POLQ: variants seen among roughly 807,000 people sequenced by gnomAD.
POLQ encodes epididymis secretory sperm binding protein.
In POLQ, 233 loss-of-function variants were observed where a neutral mutation model predicts 259.2. The observed-to-expected ratio is 0.90, with a 90% CI of 0.81 to 1.00. The LOEUF is 1.00. Ranked by LOEUF, POLQ falls within the 50% of genes least tolerant of loss-of-function variation. The pLI is 0.00. For missense variants in POLQ, 2,871 were observed against 3,051.6 expected (o/e 0.94, Z 1.39); for synonymous variants, 1,025 against 1,048.8 (o/e 0.98, Z 0.44).
chr3:121,458,362 G>T (rs1396701757), intron 25 of POLQ, among the ~76,000 whole-genome samples: 1 of 151,114 alleles, frequency 6.6e-6, no homozygotes, highest in Admixed American at 6.6e-5. Flanking sequence ...TTGTGCACAT[G>T]TACCCTAAAA....
At chr3:121,469,873 A>G (rs887678160) in intron 22 of POLQ, among the ~76,000 whole-genome samples, 9 of 152,222 alleles carry the variant, frequency 5.9e-5, no homozygotes, top group Admixed American at 3.3e-4. Context: ...TAAAATCACT[A>G]ATAAGTAAAA....
chr3:121,454,841 A>G (rs1487180119), intron 25 of POLQ, among the ~76,000 whole-genome samples: 3 of 152,204 alleles, frequency 2.0e-5, no homozygotes, highest in Non-Finnish European at 4.4e-5. Flanking sequence ...AAAGTTAACA[A>G]GGATACCCAG....
In POLQ at chr3:121,504,292, A is replaced by T. The variant is rs182257557; in HGVS notation, c.1959+5269T>A. Among the ~76,000 whole-genome samples the T allele has an allele frequency of 2.8e-4, 42 of 152,328 alleles. No individual in the cohort carries two copies. In the East Asian group the frequency reaches 8.1e-3, roughly 29 times the overall value. Reference sequence around the variant, plus strand: ...ACAAGTAAATGCCAACAAATTAGATAATCTACGTGGACTATTTTCTGGAAA... The same window carrying T: ...ACAAGTAAATGCCAACAAATTAGATTATCTACGTGGACTATTTTCTGGAAA... On this transcript the variant is annotated intron_variant, in intron 12 of 29. Transcript: ENST00000264233.
At chr3:121,456,727 T>TA (rs2047742258) in intron 25 of POLQ, among the ~76,000 whole-genome samples, 1 of 151,772 alleles carries the variant, frequency 6.6e-6, no homozygotes. Flanking sequence ...CTCAAGGAAA[T>TA]AAAAGAGGAT....
At chr3:121,514,993 C>T (rs1560104454) in intron 9 of POLQ, among the ~76,000 whole-genome samples, 2 of 152,132 alleles carry the variant, frequency 1.3e-5, no homozygotes, top group Non-Finnish European at 2.9e-5. Context: ...TTAAACAGTG[C>T]TCAAGCTCAG....
At chr3:121,490,702 C>T (rs2048060904) in intron 15 of POLQ, among the ~76,000 whole-genome samples, 1 of 152,160 alleles carries the variant, frequency 6.6e-6, no homozygotes, top group Admixed American at 6.5e-5. Flanking sequence ...GAAGGCTTCA[C>T]TAAGACAGAT....
rs771906467 is a variant in POLQ at position 121,460,009 on chromosome 3, A to T, written c.7152+41T>A. The T allele has an allele frequency of 6.8e-6, 10 of 1,476,382 alleles. No homozygotes were observed. In the South Asian group the frequency reaches 1.2e-4, roughly 17 times the overall value. 91.5% of individuals were successfully genotyped at this position (1,476,382 alleles called of 1,614,324 possible). On this transcript the variant is annotated intron_variant, in intron 25 of 29. Coordinates refer to ENST00000264233, the MANE Select transcript of POLQ (RefSeq NM_199420.4). The stretch of plus-strand genomic sequence containing the variant: ...CATTTTTAATTTTTTTTGAGTCACT[A>T]AATTCTTCTCCTTTATATTAACCAT...
intron 26 of POLQ, among the ~76,000 whole-genome samples, chr3:121,445,726 G>A (rs903647566): frequency 4.6e-5 from 7 of 151,880 alleles, no homozygotes; most frequent in Non-Finnish European, 7.4e-5. Flanking sequence ...AGCCAGGCAC[G>A]GTGGCACATA....
intron 7 of POLQ, among the ~76,000 whole-genome samples, chr3:121,527,943 C>T (rs529342340): frequency 2.6e-5 from 4 of 152,252 alleles, no homozygotes; most frequent in Non-Finnish European, 2.9e-5. Flanking sequence ...ACTTACAACA[C>T]GTGAGCTTAC....
At chr3:121,521,753 T>C (rs1399181136) in intron 8 of POLQ, 5 of 198,836 alleles carry the variant, frequency 2.5e-5, no homozygotes, top group Admixed American at 1.2e-4. Context: ...GTATTTTTAG[T>C]AGAGATGGGG....
In POLQ at chr3:121,529,789, C is replaced by T; in HGVS notation, c.964G>A (p.Asp322Asn). The T allele has an allele frequency of 6.2e-7, 1 of 1,602,792 alleles. No homozygotes were observed. The highest frequency in any genetic ancestry group is 8.5e-7 in the Non-Finnish European group (1 of 1,175,882). The change falls in exon 7 of 30, where the codon GAT (aspartate) becomes AAT (asparagine). Residue 322 changes from aspartate to asparagine, a missense_variant. This residue lies in a region of POLQ where 783 missense variants were observed against 906.2 expected (regional missense o/e 0.86). Coordinates refer to ENST00000264233, the MANE Select transcript of POLQ (RefSeq NM_199420.4). ...CATAAACTAACAACATGGTCCTCAT[C>T]TCCCTAAAACAGAAAGATAAATAAC... ...EFEPMLQVKG[D>N]EDHVVSLCYE...
intron 14 of POLQ, chr3:121,494,791 C>G: frequency 6.7e-7 from 1 of 1,489,168 alleles, no homozygotes; most frequent in South Asian, 1.1e-5. Context: ...ATTACAACGA[C>G]AGATAGGATG....
intron 23 of POLQ, 98 bp downstream of exon 23, chr3:121,468,206 TA>T: frequency 9.5e-7 from 1 of 1,048,926 alleles, no homozygotes; most frequent in Non-Finnish European, 1.4e-6. Flanking sequence ...GTCTGAAACA[TA>T]AAATTAAATT....
rs535065204 is a variant in POLQ, at chr3:121,432,577, T to TA, written c.7660-161dup. Among the ~76,000 whole-genome samples, 439 of 152,224 alleles carry TA rather than the reference T, an allele frequency of 2.9e-3. 4 individuals carry two copies. The highest frequency in any genetic ancestry group is 0.01 in the African/African-American group (416 of 41,554). On this transcript the variant is annotated intron_variant, in intron 29 of 29. Transcript: ENST00000264233. ...AAAATAAAATAAATAAATGAATAAA[T>TA]AAAAAGACATCTCATACTCTTCTTC...
intron 22 of POLQ, among the ~76,000 whole-genome samples, chr3:121,468,653 A>G (rs967168293): frequency 6.6e-6 from 1 of 152,206 alleles, no homozygotes; most frequent in Non-Finnish European, 1.5e-5. Flanking sequence ...CTACACTACT[A>G]TGTTTTACAC....
At chr3:121,492,720 C>T (rs989846553) in intron 15 of POLQ, among the ~76,000 whole-genome samples, 2 of 151,344 alleles carry the variant, frequency 1.3e-5, no homozygotes, top group African/African-American at 4.9e-5. Flanking sequence ...ACTGCAGCCT[C>T]GACCTCCCGG....
Position 121,488,022 on chromosome 3 carries a change from C to A in POLQ, c.4909G>T (p.Asp1637Tyr), listed in dbSNP as rs2048028629. Residue 1637 changes from aspartate to tyrosine, a missense_variant, in exon 16 of 30, where the codon GAT (aspartate) becomes TAT (tyrosine). Coordinates refer to ENST00000264233, the MANE Select transcript of POLQ (RefSeq NM_199420.4). ...HSFIWSGASF[D>Y]LSPGLQRILD... The stretch of plus-strand genomic sequence containing the variant: ...ATCCTTTGCAGTCCTGGACTTAGAT[C>A]AAATGATGCCCCTGACCATATGAAT... The A allele has an allele frequency of 1.9e-6, 3 of 1,613,800 alleles. No homozygotes were observed. Among genetic ancestry groups the A allele is most frequent in the Non-Finnish European group, 2.5e-6 (3 of 1,179,826 alleles).
At chr3:121,443,260 T>G (rs964346700) in intron 26 of POLQ, among the ~76,000 whole-genome samples, 1 of 152,272 alleles carries the variant, frequency 6.6e-6, no homozygotes, top group African/African-American at 2.4e-5. Context: ...CATCTTCGCC[T>G]GCATTTGTTA....
rs766429672 is a variant in POLQ, at chr3:121,489,210, T to G, written c.3721A>C (p.Lys1241Gln). The G allele has an allele frequency of 6.2e-7, 1 of 1,612,808 alleles. No homozygotes were observed. Among genetic ancestry groups the G allele is most frequent in the South Asian group, 1.1e-5 (1 of 90,752 alleles). Residue 1241 changes from lysine (K) to glutamine (Q), a missense_variant, in exon 16 of 30, where the codon AAG becomes CAG. Transcript: ENST00000264233. The stretch of plus-strand genomic sequence containing the variant: ...GGTTTATTTTCCTCTGTATTAAGCT[T>G]TATCCTTTCACAATTGATAGTAACA... ...SNVTINCERI[K>Q]LNTEENKPSH...
Sources: allele counts gnomAD v4.1 joint callset (sites outside exome capture counted in the v4.1 genomes callset), GRCh38; gene constraint gnomAD v4.1.1; regional missense constraint gnomAD v4.1.1; transcripts MANE v1.5; gene names NCBI Gene and HGNC (gene_info 2026-07-23, HGNC 2026-07-21).